Variants in GPHN observed in about 807,000 individuals in gnomAD.
GPHN encodes the protein gephyrin.
In GPHN, 17 loss-of-function variants were observed where a neutral mutation model predicts 95.5. The ratio of observed to expected loss-of-function variants is 0.18; its 90% confidence interval spans 0.12 to 0.27. GPHN has a LOEUF of 0.27. GPHN is among the 10% of genes least tolerant of loss of function. The pLI is 1.00. For synonymous variants in GPHN, 320 were observed against 322.5 expected (o/e 0.99, Z 0.08); for missense variants, 660 against 978.1 (o/e 0.67, Z 4.34).
At chr14:66,667,755 T>C (rs1224443961) in intron 1 of GPHN, among the ~76,000 whole-genome samples, 1 of 152,192 alleles carries the variant, frequency 6.6e-6, no homozygotes, top group African/African-American at 2.4e-5. Flanking sequence ...AAAGATTTCA[T>C]GACAAAAGTG....
At chr14:67,674,502 G>A in the GPHN span, 1 of 1,582,550 alleles carries the variant, frequency 6.3e-7, no homozygotes, top group Non-Finnish European at 8.6e-7. Flanking sequence ...CGCAGGCCGC[G>A]CTGGAGCAGC....
chr14:67,647,234 T>A, the GPHN span: 1 of 459,558 alleles, frequency 2.2e-6, no homozygotes, highest in South Asian at 4.3e-5. Flanking sequence ...ATTGCCTAGA[T>A]CTTCTGTCTC....
chr14:67,241,657 A>C, the GPHN span: 100 of 152,428 alleles, frequency 6.6e-4, no homozygotes, highest in Non-Finnish European at 1.3e-3. Flanking sequence ...AACTCCGGCC[A>C]GCGGGAGACC....
rs546778433 is a variant in GPHN, at chr14:66,553,768, G to A, written c.64+45177G>A. On this transcript the variant is annotated intron_variant, in intron 1 of 22. Transcript: ENST00000478722. ...ATTTTTGTAGTTTTAGTAGAGACGG[G>A]GTTTCACCTTGTTGGCCAGGATGGT... Among the ~76,000 whole-genome samples the A allele has an allele frequency of 3.3e-5, 5 of 152,082 alleles. No homozygotes were observed. The South Asian group carries it at 6.2e-4, about 19-fold the overall frequency.
chr14:67,659,853 G>A, the GPHN span: 1 of 1,614,136 alleles, frequency 6.2e-7, no homozygotes, highest in Non-Finnish European at 8.5e-7. Context: ...CGGTAGTTTC[G>A]AAGCTTAGAC....
chr14:67,460,631 G>A, the GPHN span, among the ~76,000 whole-genome samples: 1 of 152,310 alleles, frequency 6.6e-6, no homozygotes, highest in Admixed American at 6.5e-5. Flanking sequence ...TTGAACACGG[G>A]AGGCAGAGGT....
At chr14:67,623,732 G>A in the GPHN span, among the ~76,000 whole-genome samples, 1 of 151,940 alleles carries the variant, frequency 6.6e-6, no homozygotes, top group Non-Finnish European at 1.5e-5. Context: ...AGTAGAGATG[G>A]GGTTTCACCA....
chr14:67,003,740 A>G (rs1220001648), intron 9 of GPHN, among the ~76,000 whole-genome samples: 1 of 151,734 alleles, frequency 6.6e-6, no homozygotes, highest in Non-Finnish European at 1.5e-5. Context: ...TTAGTCCTAG[A>G]TTACTTCTTG....
At chr14:67,588,576 A>T in the GPHN span, 1 of 152,102 alleles carries the variant, frequency 6.6e-6, no homozygotes, top group African/African-American at 2.4e-5. Flanking sequence ...AGGAGACTAG[A>T]CAGTCTCCTC....
At chr14:67,317,444 G>A in the GPHN span, 2 of 1,611,618 alleles carry the variant, frequency 1.2e-6, no homozygotes, top group Admixed American at 1.7e-5. Context: ...AAAAAGAAGA[G>A]GAAAAAGGTT....
At chr14:67,239,322 C>T in the GPHN span, among the ~76,000 whole-genome samples, 140 of 152,272 alleles carry the variant, frequency 9.2e-4, no homozygotes, top group Admixed American at 1.6e-3. Context: ...CTCCCCATGA[C>T]CTTTGGTGAT....
intron 4 of GPHN, among the ~76,000 whole-genome samples, chr14:66,830,587 G>A (rs998353315): frequency 6.6e-6 from 1 of 152,050 alleles, no homozygotes; most frequent in African/African-American, 2.4e-5. Flanking sequence ...CCAGGAAACT[G>A]TAAATTTGAC....
chr14:67,568,941 G>A, the GPHN span: 7 of 556,216 alleles, frequency 1.3e-5, no homozygotes, highest in African/African-American at 1.3e-4. Flanking sequence ...AGCCTGAAAG[G>A]TAAGTATTAT....
intron 19 of GPHN, among the ~76,000 whole-genome samples, chr14:67,164,595 G>A (rs377766181): frequency 2.6e-5 from 4 of 152,022 alleles, no homozygotes; most frequent in South Asian, 2.1e-4. Context: ...AGGTTCAAGC[G>A]ATTCTCCTGC....
intron 10 of GPHN, among the ~76,000 whole-genome samples, chr14:67,054,008 C>G (rs879233213): frequency 6.6e-6 from 1 of 152,164 alleles, no homozygotes; most frequent in Non-Finnish European, 1.5e-5. Context: ...CAATATCATA[C>G]TGAATGGGAA....
intron 3 of GPHN, among the ~76,000 whole-genome samples, chr14:66,806,896 AG>A (rs1380761572): frequency 1.3e-5 from 2 of 152,154 alleles, no homozygotes; most frequent in African/African-American, 4.8e-5. Context: ...CCTGTTACCC[AG>A]TTCCAAAGTT....
the GPHN span, among the ~76,000 whole-genome samples, chr14:67,625,417 G>A: frequency 4.9e-3 from 749 of 152,168 alleles, 36 homozygotes; most frequent in East Asian, 0.083. Flanking sequence ...GGTGGCTCAC[G>A]CCTGTAATCC....
the GPHN span, among the ~76,000 whole-genome samples, chr14:67,345,536 CAA>C: frequency 6.6e-6 from 1 of 152,018 alleles, no homozygotes; most frequent in African/African-American, 2.4e-5. Context: ...GCCTGGGCAA[CAA>C]GAGTAAAACT....
intron 9 of GPHN, among the ~76,000 whole-genome samples, chr14:67,021,581 G>GT (rs1014744516): frequency 6.6e-6 from 1 of 151,886 alleles, no homozygotes; most frequent in Non-Finnish European, 1.5e-5. Flanking sequence ...TTTGGTTTGG[G>GT]TTTTTTTGGT....
Sources: allele counts gnomAD v4.1 joint callset (sites outside exome capture counted in the v4.1 genomes callset), GRCh38; gene constraint gnomAD v4.1.1; transcripts MANE v1.5; gene names NCBI Gene and HGNC (gene_info 2026-07-23, HGNC 2026-07-21).